Variants in RPP14 observed in about 807,000 individuals in gnomAD.
The protein encoded by RPP14 is ribonuclease P protein subunit p14.
Under a neutral mutation model 17.8 loss-of-function variants are expected in RPP14, and 19 were observed. That is an observed-to-expected ratio of 1.07 (90% CI 0.74 to 1.57). The LOEUF (loss-of-function observed/expected upper bound fraction) is 1.57, where lower values mean the gene tolerates loss of function less well. Among genes scored for constraint, RPP14 ranks in the 40% most tolerant of loss-of-function variants. The pLI is 0.00. For synonymous variants in RPP14, 60 were observed against 56.4 expected, an observed-to-expected ratio of 1.06 and a Z score of -0.29; for missense variants, 125 against 140.8, an observed-to-expected ratio of 0.89 and a Z score of 0.57.
At position 58,318,247 on chromosome 3, in the gene RPP14, C is replaced by G. The variant is rs930647183; in HGVS notation, c.*751C>G. On this transcript the variant is annotated 3_prime_UTR_variant, in exon 6 of 6. Coordinates refer to ENST00000295959, the MANE Select transcript of RPP14 (RefSeq NM_007042.6). ...GCCCATCTTAGTTAGGGGAAGGGAG[C>G]AGGAAGAGGGTTGTTCAAATGCCCA... 1 of 576,386 alleles carries G rather than the reference C, an allele frequency of 1.7e-6. No individual in the cohort carries two copies. The highest frequency in any genetic ancestry group is 1.9e-5 in the African/African-American group (1 of 53,410). The allele number at this position is 576,386 out of a possible 1,614,324, so 35.7% of individuals were successfully genotyped here. A position where few individuals can be genotyped will look rare whatever the true frequency, so the allele number is the denominator to read the frequency against.
rs563835160 is a variant in RPP14, at chr3:58,311,675, T to C, written c.162+1084T>C. ...CACTTAAGTTCTACATTTTGCCTAT[T>C]GGGAATACAATAAATATGAGAGTGC... On this transcript the variant is annotated intron_variant, in intron 3 of 5. Coordinates refer to ENST00000295959, the MANE Select transcript of RPP14 (RefSeq NM_007042.6). Among the ~76,000 whole-genome samples, 26 of 129,234 alleles carry C rather than the reference T, an allele frequency of 2.0e-4. No homozygotes were observed. In the East Asian group the frequency reaches 0.015, roughly 73 times the overall value. 84.8% of individuals were successfully genotyped at this position (129,234 alleles called of 152,430 possible).
chr3:58,314,084 C>G (rs1167680309), intron 3 of RPP14, among the ~76,000 whole-genome samples: 1 of 152,192 alleles, frequency 6.6e-6, no homozygotes, highest in Non-Finnish European at 1.5e-5. Context: ...GGCGTGGTGG[C>G]TCATGCCTGT....
At chr3:58,312,131 G>A (rs1018833115) in intron 3 of RPP14, among the ~76,000 whole-genome samples, 1 of 152,172 alleles carries the variant, frequency 6.6e-6, no homozygotes, top group African/African-American at 2.4e-5. Flanking sequence ...TGGGATTACA[G>A]ACATGAGCCA....
chr3:58,307,739 G>T (rs1174953214), intron 1 of RPP14: 1 of 152,152 alleles, frequency 6.6e-6, no homozygotes, highest in Non-Finnish European at 1.5e-5. Context: ...CAGTAACTTC[G>T]TGAGCCCACA....
At chr3:58,307,004 C>G (rs1329248933) in intron 1 of RPP14, among the ~76,000 whole-genome samples, 1 of 152,182 alleles carries the variant, frequency 6.6e-6, no homozygotes, top group East Asian at 1.9e-4. Context: ...GAGATTTGAG[C>G]TAAGCCAGGA....
chr3:58,316,688 T>G, intron 4 of RPP14, 97 bp downstream of exon 4: 1 of 1,151,138 alleles, frequency 8.7e-7, no homozygotes, highest in Non-Finnish European at 1.3e-6. Flanking sequence ...TTTTTTGTTG[T>G]GAACTCTGAG....
At chr3:58,313,703 T>C (rs1286885643) in intron 3 of RPP14, among the ~76,000 whole-genome samples, 2 of 152,148 alleles carry the variant, frequency 1.3e-5, no homozygotes, top group Non-Finnish European at 2.9e-5. Flanking sequence ...TGTGCACTGA[T>C]AGTCCCAACT....
intron 3 of RPP14, among the ~76,000 whole-genome samples, chr3:58,311,810 C>G (rs1478276168): frequency 6.6e-6 from 1 of 151,522 alleles, no homozygotes; most frequent in African/African-American, 2.4e-5. Flanking sequence ...TTTCCTTTCT[C>G]TTGGATTTAT....
intron 1 of RPP14, among the ~76,000 whole-genome samples, chr3:58,307,338 C>T (rs896553854): frequency 6.6e-6 from 1 of 152,168 alleles, no homozygotes; most frequent in Non-Finnish European, 1.5e-5. Context: ...GACTCACTGG[C>T]CGCCGTAGGG....
intron 3 of RPP14, among the ~76,000 whole-genome samples, chr3:58,314,665 G>A (rs1304914903): frequency 7.1e-6 from 1 of 141,494 alleles, no homozygotes; most frequent in Non-Finnish European, 1.5e-5. Flanking sequence ...CTGGAACATA[G>A]TTTGGCAGTA....
intron 3 of RPP14, among the ~76,000 whole-genome samples, chr3:58,313,002 G>A (rs560063586): frequency 1.2e-3 from 168 of 137,560 alleles, no homozygotes; most frequent in East Asian, 3.5e-3. Context: ...GGTAGCTCAC[G>A]CCTGTAATCC....
At position 58,317,619 on chromosome 3, in the gene RPP14, C is replaced by G; in HGVS notation, c.*123C>G. The stretch of plus-strand genomic sequence containing the variant: ...GAAATTTGAGGGTGCTGAAGATGTT[C>G]CCACTAATTTCCAGCCATCACCTTT... On this transcript the variant is annotated 3_prime_UTR_variant, in exon 6 of 6. Coordinates refer to ENST00000295959, the MANE Select transcript of RPP14 (RefSeq NM_007042.6). 1.3e-6 allele frequency: 1 copy of G among 761,254 alleles called. No individual in the cohort carries two copies. Among genetic ancestry groups the G allele is most frequent in the Non-Finnish European group, 2.3e-6 (1 of 434,380 alleles). The allele number at this position is 761,254 out of a possible 1,614,324, so 47.2% of individuals were successfully genotyped here.
chr3:58,312,047 T>A (rs1334729385), intron 3 of RPP14, among the ~76,000 whole-genome samples: 2 of 151,416 alleles, frequency 1.3e-5, no homozygotes, highest in Admixed American at 1.3e-4. Flanking sequence ...TTTTTACTTG[T>A]AGAGGCAAGG....
intron 3 of RPP14, among the ~76,000 whole-genome samples, chr3:58,313,765 C>T (rs929380391): frequency 6.6e-6 from 1 of 152,118 alleles, no homozygotes; most frequent in Non-Finnish European, 1.5e-5. Flanking sequence ...CTCAAGGTTG[C>T]AATGAGTGGT....
chr3:58,310,603 C>T lies in RPP14; in HGVS notation c.162+12C>T, dbSNP rs2097481164. On this transcript the variant is annotated intron_variant, in intron 3 of 5. Coordinates refer to ENST00000295959, the MANE Select transcript of RPP14 (RefSeq NM_007042.6). The stretch of plus-strand genomic sequence containing the variant: ...ACCTGTTTGGGGAGGTATGGAATCA[C>T]TTGGTAGATTGAACATTCCAAAGAT... 1.9e-6 allele frequency: 3 copies of T among 1,595,688 alleles called. No individual in the cohort carries two copies. The highest frequency in any genetic ancestry group is 2.6e-6 in the Non-Finnish European group (3 of 1,171,860).
intron 3 of RPP14, 57 bp downstream of exon 3, chr3:58,310,648 A>G (rs913610372): frequency 6.7e-7 from 1 of 1,486,210 alleles, no homozygotes; most frequent in African/African-American, 1.4e-5. Context: ...AAATACAGAA[A>G]GAGGCCGGGC....
At chr3:58,313,859 G>A (rs78577035) in intron 3 of RPP14, among the ~76,000 whole-genome samples, 6,968 of 152,162 alleles carry the variant, frequency 0.046, 560 homozygotes, top group African/African-American at 0.16. Flanking sequence ...TGTAAACCAC[G>A]TATCCAACAA....
intron 3 of RPP14, among the ~76,000 whole-genome samples, chr3:58,314,452 G>A (rs951367608): frequency 1.2e-4 from 18 of 152,166 alleles, no homozygotes; most frequent in African/African-American, 4.3e-4. Context: ...TTGCTAAAGA[G>A]AATGTGTGGT....
In RPP14 at chr3:58,319,504, A is replaced by T. The variant is rs918365332; in HGVS notation, c.*2008A>T. ...ACTGGCCCACAGTTAAACGTAACAG[A>T]CCAGTTTTTCAGGGTGTCAGCCAAC... On this transcript the variant is annotated 3_prime_UTR_variant, in exon 6 of 6. Transcript: ENST00000295959. 1.2e-4 allele frequency: 18 copies of T among 152,164 alleles called. No homozygotes were observed. The highest frequency in any genetic ancestry group is 4.1e-4 in the African/African-American group (17 of 41,430). The allele number at this position is 152,164 out of a possible 1,614,324, so 9.4% of individuals were successfully genotyped here.
Sources: allele counts gnomAD v4.1 joint callset (sites outside exome capture counted in the v4.1 genomes callset), GRCh38; gene constraint gnomAD v4.1.1; transcripts MANE v1.5; gene names NCBI Gene and HGNC (gene_info 2026-07-23, HGNC 2026-07-21).